Variants in IL1RAPL1 observed in about 807,000 individuals in gnomAD.
The protein encoded by IL1RAPL1 is interleukin-1 receptor accessory protein-like 1.
In IL1RAPL1, 3 loss-of-function variants were observed where a neutral mutation model predicts 48.4. That is an observed-to-expected ratio of 0.06 (90% CI 0.03 to 0.16). IL1RAPL1 has a LOEUF of 0.16. Among genes scored for constraint, IL1RAPL1 ranks in the 10% least tolerant of loss-of-function variants. The pLI is 1.00. For synonymous variants in IL1RAPL1, 185 were observed against 187.7 expected (o/e 0.99, Z 0.12); for missense variants, 349 against 530.6 (o/e 0.66, Z 3.36).
Position 29,933,172 on chromosome X carries a change from C to T in IL1RAPL1, c.1058-8479C>T, listed in dbSNP as rs192263702. ...ACACAGGGAGGGGAACATCACACACCGGGGCCTGTCTCAGGGTGGGGGCCT... is the reference window on the plus strand; with the variant it reads ...ACACAGGGAGGGGAACATCACACACTGGGGCCTGTCTCAGGGTGGGGGCCT... On this transcript the variant is annotated intron_variant, in intron 8 of 10. Coordinates refer to ENST00000378993, the MANE Select transcript of IL1RAPL1 (RefSeq NM_014271.4). 9.9e-4 allele frequency among the ~76,000 whole-genome samples: 109 copies of T among 110,550 alleles called. 1 individual carries two copies. The highest frequency in any genetic ancestry group is 3.5e-3 in the African/African-American group (106 of 30,374).
intron 1 of IL1RAPL1, among the ~76,000 whole-genome samples, chrX:28,611,390 A>C (rs1227611910): frequency 1.8e-5 from 2 of 111,637 alleles, no homozygotes; most frequent in Non-Finnish European, 3.8e-5. Context: ...ATCACACATA[A>C]TCTCTTGCCC....
intron 2 of IL1RAPL1, among the ~76,000 whole-genome samples, chrX:29,241,512 A>C (rs1257997454): frequency 3.6e-5 from 4 of 111,610 alleles, no homozygotes; most frequent in African/African-American, 1.3e-4. Flanking sequence ...CATGCCTAAC[A>C]TCATCTGTGG....
intron 2 of IL1RAPL1, among the ~76,000 whole-genome samples, chrX:28,924,562 T>A (rs1337877043): frequency 9.0e-6 from 1 of 111,705 alleles, no homozygotes; most frequent in African/African-American, 3.3e-5. Flanking sequence ...CCGGAGGATC[T>A]TCACTACCAG....
At chrX:29,844,303 G>T (rs1425447435) in intron 6 of IL1RAPL1, among the ~76,000 whole-genome samples, 3 of 111,754 alleles carry the variant, frequency 2.7e-5, no homozygotes, top group Non-Finnish European at 5.6e-5. Flanking sequence ...TGAATATTTG[G>T]TCTATAACAA....
chrX:29,558,778 T>G (rs185880634), intron 5 of IL1RAPL1, among the ~76,000 whole-genome samples: 1 of 111,965 alleles, frequency 8.9e-6, no homozygotes, highest in East Asian at 2.8e-4. Flanking sequence ...CAGCATCACT[T>G]GTTGAACAGA....
chrX:29,270,128 A>G lies in IL1RAPL1; in HGVS notation c.83-12810A>G, dbSNP rs761119088. Among the ~76,000 whole-genome samples the G allele has an allele frequency of 5.4e-5, 6 of 112,071 alleles. No individual in the cohort carries two copies. The East Asian group carries it at 1.7e-3, about 31-fold the overall frequency. On this transcript the variant is annotated intron_variant, in intron 2 of 10. Coordinates refer to ENST00000378993, the MANE Select transcript of IL1RAPL1 (RefSeq NM_014271.4). ...TTAACTAGTATTTAATTATATGACT[A>G]CATTCATCATTTGCTTATTCACCTG...
chrX:28,901,217 A>G (rs1923067309), intron 2 of IL1RAPL1, among the ~76,000 whole-genome samples: 1 of 111,944 alleles, frequency 8.9e-6, no homozygotes, highest in Non-Finnish European at 1.9e-5. Context: ...TTAGGCACAC[A>G]TCAACTAATT....
chrX:29,188,921 C>A (rs1464570166), intron 2 of IL1RAPL1, among the ~76,000 whole-genome samples: 1 of 111,194 alleles, frequency 9.0e-6, no homozygotes, highest in African/African-American at 3.3e-5. Flanking sequence ...TCTCCTAAAG[C>A]CCTTTTTAAA....
At chrX:29,740,444 G>T (rs942213938) in intron 6 of IL1RAPL1, among the ~76,000 whole-genome samples, 2 of 111,135 alleles carry the variant, frequency 1.8e-5, no homozygotes, top group African/African-American at 6.6e-5. Flanking sequence ...TTTCCTTCAG[G>T]GTTCAAGTCC....
At chrX:28,756,856 C>T (rs1936111337) in intron 1 of IL1RAPL1, among the ~76,000 whole-genome samples, 1 of 111,600 alleles carries the variant, frequency 9.0e-6, no homozygotes. Flanking sequence ...TTAAGCAACT[C>T]TTCAGTAACA....
At chrX:28,639,054 T>G (rs370346877) in intron 1 of IL1RAPL1, among the ~76,000 whole-genome samples, 2 of 111,956 alleles carry the variant, frequency 1.8e-5, no homozygotes, top group African/African-American at 3.2e-5. Flanking sequence ...CAGATTCTTT[T>G]GTAAAGTGGG....
At chrX:29,216,436 C>T (rs1028454233) in intron 2 of IL1RAPL1, among the ~76,000 whole-genome samples, 4 of 111,069 alleles carry the variant, frequency 3.6e-5, no homozygotes, top group African/African-American at 1.3e-4. Flanking sequence ...CTCGAGCGAT[C>T]CATTTGCCTT....
intron 2 of IL1RAPL1, among the ~76,000 whole-genome samples, chrX:29,254,365 C>T (rs1241076350): frequency 1.8e-5 from 2 of 110,693 alleles, no homozygotes; most frequent in Non-Finnish European, 3.8e-5. Context: ...TAAGAGGCAT[C>T]TTGTGTGAAA....
intron 5 of IL1RAPL1, among the ~76,000 whole-genome samples, chrX:29,550,260 C>G (rs993990287): frequency 1.8e-5 from 2 of 110,616 alleles, no homozygotes; most frequent in Non-Finnish European, 3.8e-5. Context: ...GGCGGGATCT[C>G]GGCTCACTGC....
chrX:29,794,096 T>A, intron 6 of IL1RAPL1, among the ~76,000 whole-genome samples: 1 of 112,226 alleles, frequency 8.9e-6, no homozygotes, highest in Middle Eastern at 4.7e-3. Context: ...TTTAGTGTAA[T>A]ACATCTGTGA....
chrX:29,827,984 G>A (rs750659886), intron 6 of IL1RAPL1, among the ~76,000 whole-genome samples: 1 of 111,984 alleles, frequency 8.9e-6, no homozygotes, highest in African/African-American at 3.2e-5. Context: ...TCTAGAAAGA[G>A]AGCCTCCAAG....
chrX:28,966,851 G>T (rs1255854934), intron 2 of IL1RAPL1, among the ~76,000 whole-genome samples: 1 of 111,472 alleles, frequency 9.0e-6, no homozygotes, highest in Non-Finnish European at 1.9e-5. Context: ...TTCTTTACCT[G>T]TAATCATTTA....
intron 2 of IL1RAPL1, among the ~76,000 whole-genome samples, chrX:29,131,526 T>A (rs1006166193): frequency 9.0e-5 from 10 of 111,012 alleles, no homozygotes; most frequent in African/African-American, 3.3e-4. Flanking sequence ...TTTTGACCTA[T>A]CCATTTAACC....
intron 5 of IL1RAPL1, among the ~76,000 whole-genome samples, chrX:29,455,773 A>G (rs889397962): frequency 1.9e-4 from 21 of 111,686 alleles, no homozygotes; most frequent in African/African-American, 6.8e-4. Flanking sequence ...CCACAGTTCT[A>G]TTGTATTGCC....
Sources: allele counts gnomAD v4.1 joint callset (sites outside exome capture counted in the v4.1 genomes callset), GRCh38; gene constraint gnomAD v4.1.1; transcripts MANE v1.5; gene names NCBI Gene and HGNC (gene_info 2026-07-23, HGNC 2026-07-21).